Variants in IL1R1 observed in about 807,000 individuals in gnomAD.
IL1R1 encodes interleukin-1 receptor type 1.
IL1R1 carries 22 observed loss-of-function variants against 50.2 expected under a neutral mutation model. That is an observed-to-expected ratio of 0.44 (90% CI 0.31 to 0.63). The LOEUF is 0.63. IL1R1 is among the 20% of genes least tolerant of loss of function. The pLI is 0.07. For missense variants in IL1R1, 509 were observed against 676.2 expected (o/e 0.75, Z 2.74); for synonymous variants, 251 against 236.7 (o/e 1.06, Z -0.55).
At position 102,131,704 on chromosome 2, in the gene IL1R1, C is replaced by T. The variant is rs756856599; in HGVS notation, c.-83-22237C>T. On this transcript the variant is annotated intron_variant, in intron 1 of 10. Transcript: ENST00000409329. ...AAGTAAAGAACAGAGCATCACGAAACGGTGGGAAAATTTCAAGTCACCAAA... is the reference window on the plus strand; with the variant it reads ...AAGTAAAGAACAGAGCATCACGAAATGGTGGGAAAATTTCAAGTCACCAAA... Among the ~76,000 whole-genome samples the T allele has an allele frequency of 4.6e-5, 7 of 151,152 alleles. No homozygotes were observed. The East Asian group carries it at 7.7e-4, about 17-fold the overall frequency.
chr2:102,110,134 G>A (rs1018419625), intron 1 of IL1R1, among the ~76,000 whole-genome samples: 2 of 151,938 alleles, frequency 1.3e-5, no homozygotes, highest in Non-Finnish European at 2.9e-5. Flanking sequence ...TCACCAATAG[G>A]CGAGTCTTGT....
At chr2:102,167,100 G>T (rs1685245757) in intron 6 of IL1R1, among the ~76,000 whole-genome samples, 1 of 152,076 alleles carries the variant, frequency 6.6e-6, no homozygotes, top group African/African-American at 2.4e-5. Flanking sequence ...GGTTATAGGG[G>T]TGACTATTAG....
intron 1 of IL1R1, among the ~76,000 whole-genome samples, chr2:102,091,380 C>T (rs991111858): frequency 6.6e-6 from 1 of 152,034 alleles, no homozygotes; most frequent in Non-Finnish European, 1.5e-5. Context: ...TGGCCATTAT[C>T]CTTTGAAAGC....
chr2:102,161,829 A>G (rs1684757292), intron 3 of IL1R1, among the ~76,000 whole-genome samples: 1 of 151,970 alleles, frequency 6.6e-6, no homozygotes, highest in African/African-American at 2.4e-5. Flanking sequence ...CCTCCCAAGT[A>G]GCTAGGATTA....
chr2:102,087,956 G>T (rs1679499673), intron 1 of IL1R1, among the ~76,000 whole-genome samples: 1 of 152,108 alleles, frequency 6.6e-6, no homozygotes, highest in Non-Finnish European at 1.5e-5. Context: ...ATCCAAATTT[G>T]GTCATGAGAC....
chr2:102,159,694 A>T (rs992183458), intron 3 of IL1R1, among the ~76,000 whole-genome samples: 3 of 152,126 alleles, frequency 2.0e-5, no homozygotes, highest in African/African-American at 7.2e-5. Flanking sequence ...CCACCACCCT[A>T]TGAATGTGAC....
intron 1 of IL1R1, among the ~76,000 whole-genome samples, chr2:102,111,401 C>A (rs1680753668): frequency 6.6e-6 from 1 of 152,204 alleles, no homozygotes; most frequent in African/African-American, 2.4e-5. Context: ...CCGTGTGAGA[C>A]AAGTGGAGAC....
rs1336576273 is a variant in IL1R1, at chr2:102,175,679, T to A, written c.1303+34T>A. 4 of 1,601,546 alleles carry A rather than the reference T, an allele frequency of 2.5e-6. No individual in the cohort carries two copies. The African/African-American group carries it at 5.4e-5, about 21-fold the overall frequency. On this transcript the variant is annotated intron_variant, in intron 11 of 11. Coordinates refer to ENST00000410023, the MANE Select transcript of IL1R1 (RefSeq NM_000877.4). ...GTAATGGAACAGAGTAAAGGCTTAT[T>A]GTTGTAAAACTACTTAGTAAAATGT...
chr2:102,165,441 A>G (rs1685103643), intron 5 of IL1R1, 137 bp downstream of exon 5: 1 of 462,064 alleles, frequency 2.2e-6, no homozygotes, highest in Non-Finnish European at 3.8e-6. Flanking sequence ...TAGGGAACCT[A>G]AAAAGAATTG....
At chr2:102,090,839 T>G (rs1679636929) in intron 1 of IL1R1, among the ~76,000 whole-genome samples, 1 of 152,222 alleles carries the variant, frequency 6.6e-6, no homozygotes, top group Non-Finnish European at 1.5e-5. Flanking sequence ...TTAGCCATAT[T>G]TTCTCGTCTC....
chr2:102,097,610 A>C (rs1679961572), intron 1 of IL1R1, among the ~76,000 whole-genome samples: 1 of 152,160 alleles, frequency 6.6e-6, no homozygotes, highest in Non-Finnish European at 1.5e-5. Context: ...ACCAAGAGTG[A>C]CTTTAAGCCA....
At chr2:102,137,780 T>C (rs1456054459), upstream of IL1R1, among the ~76,000 whole-genome samples, 1 of 152,116 alleles carries the variant, frequency 6.6e-6, no homozygotes, top group Admixed American at 6.5e-5. Flanking sequence ...AGCAAAGAAT[T>C]TGCAGTTATC....
chr2:102,111,088 G>C (rs1402400238), intron 1 of IL1R1, among the ~76,000 whole-genome samples: 2 of 140,674 alleles, frequency 1.4e-5, no homozygotes, highest in African/African-American at 2.9e-5. Context: ...GGGAGGCCAA[G>C]GTGAGCTGGA....
At chr2:102,105,866 G>T (rs1184394616) in intron 1 of IL1R1, among the ~76,000 whole-genome samples, 1 of 152,034 alleles carries the variant, frequency 6.6e-6, no homozygotes, top group African/African-American at 2.4e-5. Flanking sequence ...CTCTCAGAGG[G>T]GATTATAAAC....
intron 1 of IL1R1, among the ~76,000 whole-genome samples, chr2:102,091,773 G>A (rs906109011): frequency 2.0e-5 from 3 of 152,020 alleles, no homozygotes; most frequent in African/African-American, 4.8e-5. Context: ...CTTTATCCCC[G>A]TCTTTTACCC....
intron 1 of IL1R1, among the ~76,000 whole-genome samples, chr2:102,146,215 A>C (rs1233292587): frequency 6.6e-6 from 1 of 152,152 alleles, no homozygotes; most frequent in Non-Finnish European, 1.5e-5. Context: ...GCCAATGACT[A>C]ATGACTAAGA....
At chr2:102,127,657 CTGTGTGTGTGTG>C (rs60587758) in intron 1 of IL1R1, among the ~76,000 whole-genome samples, 483 of 144,900 alleles carry the variant, frequency 3.3e-3, no homozygotes, top group East Asian at 6.3e-3. Context: ...GTGTGTGTGA[CTGTGTGTGTGTG>C]TGTGTGTGTG....
At chr2:102,151,430 T>G (rs1328154761) in intron 1 of IL1R1, among the ~76,000 whole-genome samples, 1 of 152,170 alleles carries the variant, frequency 6.6e-6, no homozygotes, top group African/African-American at 2.4e-5. Flanking sequence ...GGTAGGTAGG[T>G]GGATTCCTTC....
intron 1 of IL1R1, among the ~76,000 whole-genome samples, chr2:102,094,901 T>A (rs546554266): frequency 1.3e-5 from 2 of 152,220 alleles, no homozygotes; most frequent in South Asian, 4.1e-4. Context: ...TGCAGACTAA[T>A]CACTAGTAAC....
Sources: gnomAD v4.1 joint callset for allele counts (sites outside exome capture counted in the v4.1 genomes callset) on GRCh38, gnomAD v4.1.1 for gene constraint, MANE v1.5 for transcripts, NCBI Gene and HGNC (gene_info 2026-07-23, HGNC 2026-07-21) for gene names.